Variants in CHRNA3 observed in about 807,000 individuals in gnomAD.
CHRNA3 encodes cholinergic receptor nicotinic alpha 3 subunit, also known as neuronal acetylcholine receptor subunit alpha-3.
CHRNA3 carries 34 observed loss-of-function variants against 41.9 expected under a neutral mutation model. The ratio of observed to expected loss-of-function variants is 0.81; its 90% CI spans 0.62 to 1.08. CHRNA3 has a LOEUF of 1.08. Ranked by LOEUF, CHRNA3 falls within the 50% of genes least tolerant of loss-of-function variation. The pLI, the probability that CHRNA3 is intolerant of heterozygous loss-of-function variation, is 0.00. For synonymous variants in CHRNA3, 281 were observed against 265.2 expected, an observed-to-expected ratio of 1.06 and a Z score of -0.58; for missense variants, 542 against 638.3, an observed-to-expected ratio of 0.85 and a Z score of 1.63.
intron 3 of CHRNA3, among the ~76,000 whole-genome samples, chr15:78,617,927 A>G (rs559040353): frequency 1.3e-5 from 2 of 152,220 alleles, no homozygotes; most frequent in African/African-American, 4.8e-5. Context: ...GCTACCAACA[A>G]CAGCAGCATC....
In CHRNA3 at chr15:78,601,734, A is replaced by G. The variant is rs1465407210; in HGVS notation, c.908T>C (p.Leu303Pro). 2 of 1,613,354 alleles carry G rather than the reference A, an allele frequency of 1.2e-6. No homozygotes were observed. Among genetic ancestry groups the G allele is most frequent in the Non-Finnish European group, 1.7e-6 (2 of 1,179,334 alleles). Reference sequence around the variant, plus strand: ...GGTGAACAGGAGGTACTCTCCAATCAGGGGGATGACCAGCGAGGTGGAAGG... The same window carrying G: ...GGTGAACAGGAGGTACTCTCCAATCGGGGGGATGACCAGCGAGGTGGAAGG... Reference protein sequence around the residue: ...TIPSTSLVIPLIGEYLLFTMI... With the variant: ...TIPSTSLVIPPIGEYLLFTMI... The change falls in exon 5 of 6, where the codon CTG (leucine) becomes CCG (proline). Residue 303 changes from leucine to proline, a missense_variant. Physicochemically the swap from Leu to Pro is moderately conservative, Grantham distance 98. Transcript: ENST00000326828.
chr15:78,600,413 T>G (rs1029020202), intron 5 of CHRNA3, among the ~76,000 whole-genome samples: 1 of 152,154 alleles, frequency 6.6e-6, no homozygotes, highest in Non-Finnish European at 1.5e-5. Context: ...AGACACTGAC[T>G]GGCAAGGGCA....
chr15:78,593,115 A>G, downstream of CHRNA3: 1 of 1,609,632 alleles, frequency 6.2e-7, no homozygotes, highest in Non-Finnish European at 8.5e-7. Flanking sequence ...GGAAATTCAT[A>G]GCCCAGGTTC....
Position 78,601,467 on chromosome 15 carries a change from T to C in CHRNA3, c.1175A>G (p.Lys392Arg), listed in dbSNP as rs760121707. ...CCCGTCCTGGCAGGGGTAGCCCTCC[T>C]TGCAGCCTTTGGACTCTGCGCGGCT... ...CFSRAESKGC[K>R]EGYPCQDGMC... Residue 392 changes from lysine (K) to arginine (R), a missense_variant, in exon 5 of 6, where the codon AAG becomes AGG. Coordinates refer to ENST00000326828, the MANE Select transcript of CHRNA3 (RefSeq NM_000743.5). 1.2e-6 allele frequency: 2 copies of C among 1,614,190 alleles called. No homozygotes were observed. The highest frequency in any genetic ancestry group is 1.7e-6 in the Non-Finnish European group (2 of 1,180,034).
At position 78,617,197 on chromosome 15, in the gene CHRNA3, G is replaced by T. The variant is rs3743073; in HGVS notation, c.268-64C>A. The T allele has an allele frequency of 0.62, 670,987 of 1,084,310 alleles. 210,107 individuals carry two copies. Among genetic ancestry groups the T allele is most frequent in the Admixed American group, 0.8 (41,171 of 51,764 alleles). 67.2% of individuals were successfully genotyped at this position (1,084,310 alleles called of 1,614,324 possible). A position where few individuals can be genotyped will look rare whatever the true frequency, so the allele number is the denominator to read the frequency against. ...AAGAATCAGCCTGGTTTTACTTCCC[G>T]TGGCACCACCCATCTTGGTGACTCC... is the stretch of plus-strand genomic sequence containing the variant. On this transcript the variant is annotated intron_variant, in intron 3 of 5. Coordinates refer to ENST00000326828, the MANE Select transcript of CHRNA3 (RefSeq NM_000743.5).
At chr15:78,602,864 CAG>C (rs1170457552) in intron 4 of CHRNA3, among the ~76,000 whole-genome samples, 1 of 152,146 alleles carries the variant, frequency 6.6e-6, no homozygotes, top group African/African-American at 2.4e-5. Flanking sequence ...CCATTCTTCC[CAG>C]TACTGTTTTA....
chr15:78,593,378 C>T, downstream of CHRNA3: 1 of 924,568 alleles, frequency 1.1e-6, no homozygotes. Context: ...AAGTTGCTAA[C>T]CTCAATTTAT....
At chr15:78,620,675 C>T (rs781570915) in intron 1 of CHRNA3, 38 bp downstream of exon 1, 1 of 1,498,502 alleles carries the variant, frequency 6.7e-7, no homozygotes, top group Non-Finnish European at 8.8e-7. Context: ...CCTTCTCGGG[C>T]GCCCGTCCCT....
chr15:78,612,101 T>A (rs1487121915), intron 4 of CHRNA3, among the ~76,000 whole-genome samples: 1 of 152,090 alleles, frequency 6.6e-6, no homozygotes, highest in Non-Finnish European at 1.5e-5. Context: ...TCCATGCTCA[T>A]GGGTAGGAAG....
chr15:78,593,172 A>T (rs199559512), downstream of CHRNA3: 2 of 1,613,784 alleles, frequency 1.2e-6, no homozygotes, highest in South Asian at 2.2e-5. Context: ...CAATTGTTGG[A>T]TCTCTTGGGC....
chr15:78,618,990 A>G, intron 1 of CHRNA3, 75 bp from the exon 2 acceptor site: 1 of 1,509,682 alleles, frequency 6.6e-7, no homozygotes, highest in Non-Finnish European at 9.1e-7. Flanking sequence ...CAGAAACATC[A>G]CCCATCTACA....
Position 78,596,647 on chromosome 15 carries a change from G to A in CHRNA3, c.1475C>T (p.Ala492Val), listed in dbSNP as rs2053116197. ...VFTLVCILGT[A>V]GLFLQPLMAR... ...CATCAGGGGTTGCAGAAACAATCCT[G>A]CTGTCCCTAGAATGCACACCAGGGT... Residue 492 changes from alanine (A) to valine (V), a missense_variant, in exon 6 of 6, where the codon GCA (alanine) becomes GTA (valine). Coordinates refer to ENST00000326828, the MANE Select transcript of CHRNA3 (RefSeq NM_000743.5). The A allele has an allele frequency of 1.9e-6, 3 of 1,611,898 alleles. No individual in the cohort carries two copies. Among genetic ancestry groups the A allele is most frequent in the African/African-American group, 1.3e-5 (1 of 74,896 alleles).
At chr15:78,619,556 C>A (rs963202106) in intron 1 of CHRNA3, among the ~76,000 whole-genome samples, 2 of 151,984 alleles carry the variant, frequency 1.3e-5, no homozygotes, top group African/African-American at 4.8e-5. Context: ...CTGCATTCCA[C>A]CCTGTAGGGG....
At chr15:78,617,655 GAGGA>G (rs947882611) in intron 3 of CHRNA3, among the ~76,000 whole-genome samples, 2 of 152,180 alleles carry the variant, frequency 1.3e-5, no homozygotes, top group African/African-American at 2.4e-5. Context: ...CTGAGCACCA[GAGGA>G]GAGAGGGGTG....
rs1423035143 is a variant in CHRNA3 at position 78,601,825 on chromosome 15, CCTT to C, written c.814_816del (p.Lys272del). The C allele has an allele frequency of 5.0e-6, 8 of 1,614,138 alleles. No individual in the cohort carries two copies. The highest frequency in any genetic ancestry group is 1.7e-5 in the Admixed American group (1 of 60,006). On this transcript the variant is annotated inframe_deletion, in exon 5 of 6. Transcript: ENST00000326828. ...AGGAGGACAGAAATGCACAGGGTCA[CCTT>C]CTCACCGCAGTCGGAGGGCAGGTAG... is the stretch of plus-strand genomic sequence containing the variant.
Position 78,601,449 on chromosome 15 carries a change from T to C in CHRNA3, c.1193A>G (p.Gln398Arg), listed in dbSNP as rs1322946017. Residue 398 changes from glutamine to arginine, a missense_variant, in exon 5 of 6, where the codon CAG becomes CGG. Coordinates refer to ENST00000326828, the MANE Select transcript of CHRNA3 (RefSeq NM_000743.5). ...SKGCKEGYPCQDGMCGYCHHR... is the reference protein window; with the variant it reads ...SKGCKEGYPCRDGMCGYCHHR... ...GTGGCAGTAACCACACATCCCGTCCTGGCAGGGGTAGCCCTCCTTGCAGCC... is the reference window on the plus strand; with the variant it reads ...GTGGCAGTAACCACACATCCCGTCCCGGCAGGGGTAGCCCTCCTTGCAGCC... 6.2e-7 allele frequency: 1 copy of C among 1,614,190 alleles called. No individual in the cohort carries two copies. Among genetic ancestry groups the C allele is most frequent in the East Asian group, 2.2e-5 (1 of 44,868 alleles).
At chr15:78,605,193 G>A (rs1209624803) in intron 4 of CHRNA3, among the ~76,000 whole-genome samples, 5 of 152,168 alleles carry the variant, frequency 3.3e-5, no homozygotes, top group African/African-American at 1.2e-4. Flanking sequence ...GAAGTGGGGT[G>A]GGGTGGTGAG....
At chr15:78,605,408 C>T (rs567700806) in intron 4 of CHRNA3, among the ~76,000 whole-genome samples, 16 of 152,200 alleles carry the variant, frequency 1.1e-4, no homozygotes, top group Admixed American at 3.3e-4. Flanking sequence ...CGATTAGCTG[C>T]GGGGTAGAGG....
chr15:78,616,414 C>G (rs969383217), intron 4 of CHRNA3, among the ~76,000 whole-genome samples: 2 of 145,172 alleles, frequency 1.4e-5, no homozygotes, highest in Non-Finnish European at 3.0e-5. Context: ...GGCTGGGAAC[C>G]CTGGGACTAC....
Sources: allele counts gnomAD v4.1 joint callset (sites outside exome capture counted in the v4.1 genomes callset), GRCh38; gene constraint gnomAD v4.1.1; transcripts MANE v1.5; gene names NCBI Gene and HGNC (gene_info 2026-07-23, HGNC 2026-07-21).